The following ADCY3 variants were observed in gnomAD, a reference collection of about 807,000 sequenced individuals.
ADCY3 encodes the protein adenylate cyclase type 3.
In ADCY3, 70 loss-of-function variants were observed where a neutral mutation model predicts 119.4. The observed-to-expected ratio is 0.59, with a 90% CI of 0.48 to 0.72. ADCY3 has a LOEUF of 0.72. Ranked by LOEUF, ADCY3 falls within the 30% of genes least tolerant of loss-of-function variation. ADCY3 has a pLI of 0.00. For missense variants in ADCY3, 1,238 were observed against 1,541.6 expected (o/e 0.80, Z 3.30); for synonymous variants, 672 against 621.4 (o/e 1.08, Z -1.21).
chr2:24,825,336 GGGGGGGGGGGGGT>G lies in ADCY3; in HGVS notation c.2577+696_2577+708del, dbSNP rs1668439441. On this transcript the variant is annotated intron_variant, in intron 16 of 21. Coordinates refer to ENST00000679454, the MANE Select transcript of ADCY3 (RefSeq NM_004036.5). ...CCGGTTGAGTGCGGTGGTTGTGGCG[GGGGGGGGGGGGGT>G]GCGGGGGGGGTGTCTCACTTTGTCA... Among the ~76,000 whole-genome samples the G allele has an allele frequency of 1.7e-4, 2 of 11,794 alleles. 1 individual carries two copies. The highest frequency in any genetic ancestry group is 0.011 in the East Asian group (2 of 176). 7.7% of individuals were successfully genotyped at this position (11,794 alleles called of 152,430 possible).
intron 2 of ADCY3, among the ~76,000 whole-genome samples, chr2:24,916,398 G>A (rs1664455534): frequency 6.6e-6 from 1 of 152,162 alleles, no homozygotes; most frequent in South Asian, 2.1e-4. Flanking sequence ...TTAGAACCTG[G>A]GATGCCTGGG....
intron 9 of ADCY3, 117 bp from the exon 10 acceptor site, chr2:24,835,053 T>G: frequency 7.7e-7 from 1 of 1,293,882 alleles, no homozygotes; most frequent in Non-Finnish European, 1.1e-6. Flanking sequence ...GGAGGACCAA[T>G]CCCTCCAGCT....
At chr2:24,902,859 G>A (rs539296979) in intron 2 of ADCY3, among the ~76,000 whole-genome samples, 3 of 152,112 alleles carry the variant, frequency 2.0e-5, no homozygotes, top group Admixed American at 1.3e-4. Context: ...GTGAAACCCC[G>A]TCTCTACTAA....
chr2:24,869,822 C>A (rs1378923571), intron 3 of ADCY3, among the ~76,000 whole-genome samples: 1 of 152,098 alleles, frequency 6.6e-6, no homozygotes, highest in Non-Finnish European at 1.5e-5. Flanking sequence ...TTGGGCATAA[C>A]CGTAATACCA....
At chr2:24,882,184 C>T (rs1033676252) in intron 2 of ADCY3, among the ~76,000 whole-genome samples, 1 of 152,186 alleles carries the variant, frequency 6.6e-6, no homozygotes, top group African/African-American at 2.4e-5. Flanking sequence ...CTGATCAATG[C>T]ACCCACCCAG....
chr2:24,872,437 G>A lies in ADCY3; in HGVS notation c.825+133C>T. Reference sequence around the variant, plus strand: ...GGAGCCCAGAAGACAAAGTTCAGAAGCAAACACCTGAACAGGGTGGATGAA... The same window carrying A: ...GGAGCCCAGAAGACAAAGTTCAGAAACAAACACCTGAACAGGGTGGATGAA... On this transcript the variant is annotated intron_variant, in intron 3 of 21. Transcript: ENST00000679454. The surrounding 1 kb of genome is among the most constrained non-coding windows in gnomAD (Gnocchi z 4.4). 8.7e-7 allele frequency: 1 copy of A among 1,143,532 alleles called. No individual in the cohort carries two copies. Among genetic ancestry groups the A allele is most frequent in the Non-Finnish European group, 1.2e-6 (1 of 807,666 alleles). The allele number at this position is 1,143,532 out of a possible 1,614,324, so 70.8% of individuals were successfully genotyped here. A position where few individuals can be genotyped will look rare whatever the true frequency, so the allele number is the denominator to read the frequency against.
chr2:24,854,397 C>T (rs541883100), intron 3 of ADCY3, among the ~76,000 whole-genome samples: 1 of 152,272 alleles, frequency 6.6e-6, no homozygotes, highest in East Asian at 1.9e-4. Context: ...TGCAAAGGCC[C>T]CCATGCCCTG....
rs549230016 is a variant in ADCY3, at chr2:24,822,751, G to A, written c.2884-121C>T. The A allele has an allele frequency of 1.4e-5, 19 of 1,346,518 alleles. No individual in the cohort carries two copies. In the South Asian group the frequency reaches 1.7e-4, roughly 12 times the overall value. The allele number at this position is 1,346,518 out of a possible 1,614,324, so 83.4% of individuals were successfully genotyped here. On this transcript the variant is annotated intron_variant, in intron 18 of 21. Coordinates refer to ENST00000679454, the MANE Select transcript of ADCY3 (RefSeq NM_004036.5). ...ACCCAAGAGACACTTTCCTATCAAA[G>A]TTGTTACTTAGTCTACCGCTTATCT...
intron 2 of ADCY3, among the ~76,000 whole-genome samples, chr2:24,876,758 A>G (rs1201177485): frequency 1.3e-5 from 2 of 152,198 alleles, no homozygotes; most frequent in Non-Finnish European, 2.9e-5. Context: ...GAAGAACTGA[A>G]GACCCAGGAA....
At chr2:24,821,341 G>C (rs1303250652) in intron 20 of ADCY3, 176 bp downstream of exon 20, 1 of 898,132 alleles carries the variant, frequency 1.1e-6, no homozygotes. Context: ...TTTTGGTTTA[G>C]TCATCTAGAG....
chr2:24,825,334 C>CGGGG (rs768838126), intron 16 of ADCY3, among the ~76,000 whole-genome samples: 10 of 81,538 alleles, frequency 1.2e-4, no homozygotes, highest in African/African-American at 4.7e-4. Context: ...GTGGTTGTGG[C>CGGGG]GGGGGGGGGG....
chr2:24,886,353 C>T (rs1270761702), intron 2 of ADCY3, among the ~76,000 whole-genome samples: 1 of 152,238 alleles, frequency 6.6e-6, no homozygotes, highest in African/African-American at 2.4e-5. Flanking sequence ...CCCCACCTGG[C>T]CGCCTTCCGC....
At chr2:24,823,621 A>G (rs989656524) in intron 17 of ADCY3, among the ~76,000 whole-genome samples, 1 of 151,862 alleles carries the variant, frequency 6.6e-6, no homozygotes, top group African/African-American at 2.4e-5. Context: ...CTGGGACCAC[A>G]GACACATGTC....
chr2:24,831,536 C>A, intron 12 of ADCY3, 126 bp downstream of exon 12: 1 of 760,338 alleles, frequency 1.3e-6, no homozygotes, highest in Middle Eastern at 3.1e-4. Flanking sequence ...GTGCCTGGAC[C>A]GTCCTAACAG....
intron 13 of ADCY3, 123 bp from the exon 14 acceptor site, chr2:24,828,284 G>C: frequency 1.7e-6 from 2 of 1,154,130 alleles, no homozygotes. Context: ...AGAAATACCG[G>C]GAAAGATGGG....
rs540813175 is a variant in ADCY3 at position 24,838,862 on chromosome 2, A to G, written c.1356-240T>C. 68 of 1,602,228 alleles carry G rather than the reference A, an allele frequency of 4.2e-5. 1 individual carries two copies. In the South Asian group the frequency reaches 7.3e-4, roughly 17 times the overall value. ...TGGCACTTACTCCCATCTCAGCCTC[A>G]GTGTTGGAGCCACGACACAGGAGTA... On this transcript the variant is annotated intron_variant, in intron 7 of 21. Coordinates refer to ENST00000679454, the MANE Select transcript of ADCY3 (RefSeq NM_004036.5).
At chr2:24,897,479 G>A (rs1003390986) in intron 2 of ADCY3, among the ~76,000 whole-genome samples, 2 of 152,168 alleles carry the variant, frequency 1.3e-5, no homozygotes, top group African/African-American at 2.4e-5. Flanking sequence ...GTGTGTCCCT[G>A]AGAAAGCACC....
rs75937522 is a variant in ADCY3, at chr2:24,917,872, G to A, written c.675+441C>T. 3.8e-3 allele frequency among the ~76,000 whole-genome samples: 585 copies of A among 152,346 alleles called. 4 individuals are homozygous for A. Among genetic ancestry groups the A allele is most frequent in the Non-Finnish European group, 6.5e-3 (445 of 68,044 alleles). On this transcript the variant is annotated intron_variant, in intron 2 of 21. Coordinates refer to ENST00000679454, the MANE Select transcript of ADCY3 (RefSeq NM_004036.5). ...TGACAACAACCGTGTCATGCAGGCA[G>A]AGCGGACGTTATCCCCATTTGACAA...
chr2:24,912,369 G>C (rs1468182183), intron 2 of ADCY3, among the ~76,000 whole-genome samples: 1 of 152,156 alleles, frequency 6.6e-6, no homozygotes, highest in Non-Finnish European at 1.5e-5. Flanking sequence ...ATTTGGTGGG[G>C]GGGCAGCCAG....
Sources: allele counts gnomAD v4.1 joint callset (sites outside exome capture counted in the v4.1 genomes callset), GRCh38; gene constraint gnomAD v4.1.1; non-coding constraint Gnocchi (gnomAD v3.1); transcripts MANE v1.5; gene names NCBI Gene and HGNC (gene_info 2026-07-23, HGNC 2026-07-21).